The following SNTB1 variants were observed in gnomAD, a reference collection of about 807,000 sequenced individuals.
SNTB1 encodes the protein beta-1-syntrophin.
SNTB1 carries 36 observed loss-of-function variants against 48.9 expected under a neutral mutation model. The ratio of observed to expected loss-of-function variants is 0.74; its 90% CI spans 0.56 to 0.97. The LOEUF is 0.97. SNTB1 is among the 50% of genes least tolerant of loss of function. The probability of loss-of-function intolerance (pLI) is 0.00; values close to 1 mark genes in which losing one functional copy is unlikely to be tolerated. For missense variants in SNTB1, 786 were observed against 703.4 expected, an observed-to-expected ratio of 1.12 and a Z score of -1.33; for synonymous variants, 299 against 294.6, an observed-to-expected ratio of 1.01 and a Z score of -0.15.
chr8:120,565,357 G>A (rs77031631), intron 4 of SNTB1, among the ~76,000 whole-genome samples: 2,368 of 152,226 alleles, frequency 0.016, 31 homozygotes, highest in Middle Eastern at 0.058. Context: ...TATTAGGCAC[G>A]TATAGATATT....
intron 1 of SNTB1, among the ~76,000 whole-genome samples, chr8:120,777,528 A>G (rs922349183): frequency 2.0e-5 from 3 of 152,226 alleles, no homozygotes; most frequent in Admixed American, 6.5e-5. Context: ...TGTCCCAAAC[A>G]GTCTGTGCAA....
At chr8:120,667,676 G>T (rs529104311) in intron 2 of SNTB1, among the ~76,000 whole-genome samples, 15 of 152,148 alleles carry the variant, frequency 9.9e-5, no homozygotes, top group African/African-American at 3.6e-4. Context: ...TTTTTCATAG[G>T]TGCCAAACAT....
chr8:120,592,515 T>C (rs754418687), intron 3 of SNTB1, among the ~76,000 whole-genome samples: 3 of 152,152 alleles, frequency 2.0e-5, no homozygotes, highest in African/African-American at 4.8e-5. Flanking sequence ...ATTTGTACCA[T>C]TAGAACAGCC....
intron 2 of SNTB1, among the ~76,000 whole-genome samples, chr8:120,682,490 C>T (rs1194495507): frequency 6.6e-6 from 1 of 152,224 alleles, no homozygotes; most frequent in Non-Finnish European, 1.5e-5. Context: ...TTCAACCCAA[C>T]CTCTCTGAAC....
At chr8:120,594,834 C>T (rs1373546353) in intron 3 of SNTB1, among the ~76,000 whole-genome samples, 3 of 151,916 alleles carry the variant, frequency 2.0e-5, no homozygotes, top group Non-Finnish European at 4.4e-5. Context: ...AATGGGAATA[C>T]TGTTTGATAG....
intron 3 of SNTB1, among the ~76,000 whole-genome samples, chr8:120,589,179 T>C (rs978740722): frequency 2.0e-5 from 3 of 152,194 alleles, no homozygotes; most frequent in Non-Finnish European, 4.4e-5. Context: ...CACTGACCCA[T>C]GTAACTCATT....
intron 1 of SNTB1, among the ~76,000 whole-genome samples, chr8:120,799,038 C>A (rs1428628103): frequency 6.6e-6 from 1 of 151,980 alleles, no homozygotes; most frequent in Non-Finnish European, 1.5e-5. Flanking sequence ...CCAGAAGCAA[C>A]CCTTAACGCA....
At chr8:120,709,779 C>T (rs1279052260) in intron 1 of SNTB1, among the ~76,000 whole-genome samples, 1 of 152,050 alleles carries the variant, frequency 6.6e-6, no homozygotes, top group East Asian at 1.9e-4. Flanking sequence ...CCCCAAAGAG[C>T]CTTGAGATCT....
intron 2 of SNTB1, among the ~76,000 whole-genome samples, chr8:120,678,837 T>C (rs1423565519): frequency 1.3e-5 from 2 of 152,054 alleles, no homozygotes; most frequent in Non-Finnish European, 2.9e-5. Flanking sequence ...CTCCAAGAGG[T>C]CAACCTCTAT....
At chr8:120,736,176 A>G (rs112523147) in intron 1 of SNTB1, among the ~76,000 whole-genome samples, 1 of 152,140 alleles carries the variant, frequency 6.6e-6, no homozygotes, top group Non-Finnish European at 1.5e-5. Context: ...AGAACTCACT[A>G]TCATGAGAAC....
At chr8:120,658,544 G>A (rs1160162976) in intron 2 of SNTB1, among the ~76,000 whole-genome samples, 1 of 152,150 alleles carries the variant, frequency 6.6e-6, no homozygotes, top group Non-Finnish European at 1.5e-5. Flanking sequence ...TGGTTTCCCA[G>A]TGCATGTAAG....
intron 3 of SNTB1, among the ~76,000 whole-genome samples, chr8:120,611,034 G>A (rs1816615218): frequency 6.6e-6 from 1 of 152,200 alleles, no homozygotes. Context: ...GCTTCCTGCT[G>A]ACACAGAGGT....
At chr8:120,654,962 G>A (rs923472443) in intron 2 of SNTB1, 2 of 455,818 alleles carry the variant, frequency 4.4e-6, no homozygotes, top group African/African-American at 4.0e-5. Context: ...GCAACTTCGG[G>A]GAATCCAGGA....
chr8:120,743,094 A>T (rs1395462104), intron 1 of SNTB1, among the ~76,000 whole-genome samples: 1 of 152,196 alleles, frequency 6.6e-6, no homozygotes, highest in African/African-American at 2.4e-5. Flanking sequence ...CACCACAGGG[A>T]CTACCATTTC....
intron 1 of SNTB1, among the ~76,000 whole-genome samples, chr8:120,780,552 T>TA (rs745746571): frequency 1.2e-4 from 18 of 152,250 alleles, no homozygotes; most frequent in Non-Finnish European, 2.6e-4. Context: ...CAAAGCCATT[T>TA]ACTTTATAGC....
At chr8:120,571,330 T>A (rs1238063841) in intron 4 of SNTB1, 1 of 1,288,096 alleles carries the variant, frequency 7.8e-7, no homozygotes, top group African/African-American at 1.5e-5. Flanking sequence ...TGCGGGAATG[T>A]CTCAGAATCT....
At chr8:120,685,690 C>T (rs1818019354) in intron 2 of SNTB1, among the ~76,000 whole-genome samples, 1 of 152,174 alleles carries the variant, frequency 6.6e-6, no homozygotes. Context: ...TGTATTCTCT[C>T]CAGAACACAT....
intron 2 of SNTB1, among the ~76,000 whole-genome samples, chr8:120,657,439 G>C (rs1208681780): frequency 6.6e-6 from 1 of 152,164 alleles, no homozygotes; most frequent in Non-Finnish European, 1.5e-5. Flanking sequence ...AAAGGAATCT[G>C]AGGCCTCATT....
intron 3 of SNTB1, among the ~76,000 whole-genome samples, chr8:120,593,872 G>T (rs1450937740): frequency 6.6e-6 from 1 of 152,122 alleles, no homozygotes; most frequent in African/African-American, 2.4e-5. Flanking sequence ...TGGAAGAGGG[G>T]ACATACCAAA....
Sources: allele counts gnomAD v4.1 joint callset (sites outside exome capture counted in the v4.1 genomes callset), GRCh38; gene constraint gnomAD v4.1.1; transcripts MANE v1.5; gene names NCBI Gene and HGNC (gene_info 2026-07-23, HGNC 2026-07-21).